Variants in SOX13 observed in about 807,000 individuals in gnomAD.
SOX13 encodes transcription factor SOX-13.
A neutral mutation model predicts 71.8 loss-of-function variants in SOX13; 28 were observed. That is an observed-to-expected ratio of 0.39 (90% CI 0.29 to 0.53). The LOEUF (loss-of-function observed/expected upper bound fraction) is 0.53, where lower values mean the gene tolerates loss of function less well. Ranked by LOEUF, SOX13 falls within the 20% of genes least tolerant of loss-of-function variation. The pLI is 0.70. For missense variants in SOX13, 627 were observed against 810.3 expected, an observed-to-expected ratio of 0.77 and a Z score of 2.75; for synonymous variants, 309 against 317.8, an observed-to-expected ratio of 0.97 and a Z score of 0.29.
In SOX13 at chr1:204,126,124, T is replaced by C; in HGVS notation, c.1859T>C (p.Leu620Pro). Residue 620 changes from leucine to proline, a missense_variant, in exon 14 of 14, where the codon CTC becomes CCC. This residue lies in a region of SOX13 where 148 missense variants were observed against 192.7 expected (regional missense o/e 0.77). Transcript: ENST00000367204. ...AAGAGCGATGGGGAGTTGGTGGTGC[T>C]CACAGACTGATCCCGGCTGGGTGGG... is the stretch of plus-strand genomic sequence containing the variant. Reference protein sequence around the residue: ...EEKSDGELVVLTD With the variant: ...EEKSDGELVVPTD 1 of 1,613,294 alleles carries C rather than the reference T, an allele frequency of 6.2e-7. No homozygotes were observed. The highest frequency in any genetic ancestry group is 8.5e-7 in the Non-Finnish European group (1 of 1,179,352).
Position 204,114,446 on chromosome 1 carries a change from C to T in SOX13, c.331+14C>T. On this transcript the variant is annotated intron_variant, in intron 3 of 13. Transcript: ENST00000367204. ...ATTTGAAAGAAGGTAGGATGTCTGC[C>T]CTAGTTAGAAGCAGAGGCCTGAGGC... The T allele has an allele frequency of 6.2e-7, 1 of 1,606,858 alleles. No individual in the cohort carries two copies. Among genetic ancestry groups the T allele is most frequent in the Non-Finnish European group, 8.5e-7 (1 of 1,173,566 alleles).
At chr1:204,109,044 C>T (rs976408654) in intron 1 of SOX13, among the ~76,000 whole-genome samples, 3 of 152,244 alleles carry the variant, frequency 2.0e-5, no homozygotes. Flanking sequence ...CTCTGAGCCC[C>T]TCCCGGTGCC....
At chr1:204,092,401 T>G (rs1656166144) in intron 1 of SOX13, among the ~76,000 whole-genome samples, 1 of 152,106 alleles carries the variant, frequency 6.6e-6, no homozygotes, top group African/African-American at 2.4e-5. Context: ...ACTGCAGCCT[T>G]GACCTCCTAG....
chr1:204,114,196 G>A, intron 2 of SOX13, 125 bp from the exon 3 acceptor site: 1 of 622,808 alleles, frequency 1.6e-6, no homozygotes. Context: ...GACCTAGTGA[G>A]TGGAGAAGTA....
At chr1:204,076,491 AAGTGTCACCTCCAACTT>A (rs57103862) in intron 1 of SOX13, among the ~76,000 whole-genome samples, 139 of 152,194 alleles carry the variant, frequency 9.1e-4, no homozygotes, top group African/African-American at 3.2e-3. Context: ...TGAGGGGCAA[AAGTGTCACCTCCAACTT>A]TCCACTTGCA....
chr1:204,087,945 G>T (rs1656058874), intron 1 of SOX13, among the ~76,000 whole-genome samples: 1 of 152,222 alleles, frequency 6.6e-6, no homozygotes, highest in African/African-American at 2.4e-5. Flanking sequence ...CTGTGGATCT[G>T]CAGGGATGAG....
intron 5 of SOX13, 78 bp downstream of exon 5, chr1:204,116,757 A>G (rs2102259144): frequency 6.3e-7 from 1 of 1,577,052 alleles, no homozygotes; most frequent in Non-Finnish European, 8.6e-7. Context: ...TGCCTTAGGG[A>G]CAGGCCTCAC....
intron 1 of SOX13, among the ~76,000 whole-genome samples, chr1:204,078,588 C>T (rs1488866392): frequency 6.6e-6 from 1 of 152,210 alleles, no homozygotes; most frequent in Admixed American, 6.5e-5. Context: ...GGTCCTCACC[C>T]TTTGCTAGTC....
intron 4 of SOX13, chr1:204,116,043 C>A: frequency 1.7e-6 from 1 of 577,434 alleles, no homozygotes; most frequent in Non-Finnish European, 2.6e-6. Context: ...TTTTGAAAAC[C>A]CTAAAGTGCA....
intron 1 of SOX13, among the ~76,000 whole-genome samples, chr1:204,083,000 T>C (rs1323325076): frequency 6.6e-6 from 1 of 152,204 alleles, no homozygotes; most frequent in Non-Finnish European, 1.5e-5. Flanking sequence ...GTTTTCATAA[T>C]GTAAATTCCC....
At chr1:204,088,339 A>G (rs1053700071) in intron 1 of SOX13, among the ~76,000 whole-genome samples, 2 of 152,192 alleles carry the variant, frequency 1.3e-5, no homozygotes, top group African/African-American at 2.4e-5. Context: ...TCTCCTAGCC[A>G]GGTGGTCAGA....
At chr1:204,099,587 A>G (rs1656321122) in intron 1 of SOX13, among the ~76,000 whole-genome samples, 1 of 151,416 alleles carries the variant, frequency 6.6e-6, no homozygotes, top group Non-Finnish European at 1.5e-5. Context: ...AAATTTTTGT[A>G]TTTTTTGTTG....
rs903127404 is a variant in SOX13 at position 204,127,103 on chromosome 1, T to G, written c.*969T>G. 1.8e-4 allele frequency: 28 copies of G among 152,488 alleles called. No individual in the cohort carries two copies. Among genetic ancestry groups the G allele is most frequent in the African/African-American group, 6.5e-4 (27 of 41,384 alleles). 9.4% of individuals were successfully genotyped at this position (152,488 alleles called of 1,614,324 possible). A position where few individuals can be genotyped will look rare whatever the true frequency, so the allele number is the denominator to read the frequency against. Reference sequence around the variant, plus strand: ...GAGCCATTTTTAGCTCTGATCAGCATGGGAATGTGCCTCGGCCTCCAAGGG... The same window carrying G: ...GAGCCATTTTTAGCTCTGATCAGCAGGGGAATGTGCCTCGGCCTCCAAGGG... On this transcript the variant is annotated 3_prime_UTR_variant, in exon 14 of 14. Coordinates refer to ENST00000367204, the MANE Select transcript of SOX13 (RefSeq NM_005686.3).
At chr1:204,116,922 C>T (rs1408139538) in intron 5 of SOX13, among the ~76,000 whole-genome samples, 200 bp from the exon 6 acceptor site, 1 of 152,116 alleles carries the variant, frequency 6.6e-6, no homozygotes, top group Non-Finnish European at 1.5e-5. Flanking sequence ...AGCTTCCTGC[C>T]CAGCCTCCTG....
intron 4 of SOX13, 78 bp from the exon 5 acceptor site, chr1:204,116,429 T>C: frequency 6.2e-7 from 1 of 1,612,342 alleles, no homozygotes; most frequent in Non-Finnish European, 8.5e-7. Flanking sequence ...AAGTTTCTGA[T>C]GGATGGGTGG....
chr1:204,100,879 T>C (rs1534098), intron 1 of SOX13, among the ~76,000 whole-genome samples: 135,341 of 152,142 alleles, frequency 0.89, 60,516 homozygotes, highest in African/African-American at 0.97. Flanking sequence ...AAGCGGGCTG[T>C]GCCAACGGGA....
At chr1:204,099,460 CTG>C (rs2102239834) in intron 1 of SOX13, among the ~76,000 whole-genome samples, 1 of 120,778 alleles carries the variant, frequency 8.3e-6, no homozygotes, top group Non-Finnish European at 1.6e-5. Flanking sequence ...GACAGGGTCT[CTG>C]TAGCTCAGGC....
intron 1 of SOX13, among the ~76,000 whole-genome samples, chr1:204,080,346 G>T (rs999195492): frequency 2.6e-5 from 4 of 152,174 alleles, no homozygotes; most frequent in African/African-American, 9.7e-5. Flanking sequence ...GTGTCTTCTG[G>T]GGACATGTCC....
At chr1:204,097,276 G>A (rs1194307327) in intron 1 of SOX13, among the ~76,000 whole-genome samples, 1 of 152,210 alleles carries the variant, frequency 6.6e-6, no homozygotes, top group Non-Finnish European at 1.5e-5. Flanking sequence ...TCATGATGCA[G>A]CCATAGAGTG....
Sources: allele counts gnomAD v4.1 joint callset (sites outside exome capture counted in the v4.1 genomes callset), GRCh38; gene constraint gnomAD v4.1.1; regional missense constraint gnomAD v4.1.1; transcripts MANE v1.5; gene names NCBI Gene and HGNC (gene_info 2026-07-23, HGNC 2026-07-21).